The following DENND4C variants were observed in gnomAD, a reference collection of about 807,000 sequenced individuals.
DENND4C encodes DENN domain-containing protein 4C.
In DENND4C, 108 loss-of-function variants were observed where a neutral mutation model predicts 203.0. The ratio of observed to expected loss-of-function variants is 0.53; its 90% CI spans 0.46 to 0.62. The LOEUF is 0.62. Ranked by LOEUF, DENND4C falls within the 20% of genes least tolerant of loss-of-function variation. DENND4C has a pLI of 0.00. For synonymous variants in DENND4C, 871 were observed against 792.4 expected (o/e 1.10, Z -1.67); for missense variants, 2,481 against 2,301.2 (o/e 1.08, Z -1.60).
chr9:19,323,983 C>T (rs1050238814), intron 12 of DENND4C, among the ~76,000 whole-genome samples: 4 of 152,130 alleles, frequency 2.6e-5, no homozygotes, highest in Non-Finnish European at 4.4e-5. Context: ...AAATTCTACA[C>T]GTAAGTACTT....
intron 17 of DENND4C, among the ~76,000 whole-genome samples, chr9:19,333,666 T>C (rs1303305077): frequency 6.6e-6 from 1 of 152,208 alleles, no homozygotes; most frequent in Non-Finnish European, 1.5e-5. Flanking sequence ...GTGAATGATA[T>C]ACTAGACATT....
intron 1 of DENND4C, among the ~76,000 whole-genome samples, chr9:19,252,712 TAC>T (rs10611179): frequency 0.18 from 26,719 of 149,798 alleles, 2,344 homozygotes; most frequent in Middle Eastern, 0.25. Flanking sequence ...AGCGTGTGTA[TAC>T]ACACACACAC....
At chr9:19,293,256 G>A (rs988868770) in intron 5 of DENND4C, among the ~76,000 whole-genome samples, 1 of 152,104 alleles carries the variant, frequency 6.6e-6, no homozygotes, top group African/African-American at 2.4e-5. Context: ...CATTGTTTAG[G>A]GGATATCAAC....
intron 7 of DENND4C, among the ~76,000 whole-genome samples, chr9:19,298,783 A>G (rs1837964422): frequency 6.6e-6 from 1 of 152,122 alleles, no homozygotes; most frequent in Admixed American, 6.6e-5. Flanking sequence ...GAAGCCATTT[A>G]AAAGTTTTTC....
At chr9:19,265,026 C>CT (rs1830200815) in intron 1 of DENND4C, among the ~76,000 whole-genome samples, 1 of 151,772 alleles carries the variant, frequency 6.6e-6, no homozygotes, top group South Asian at 2.1e-4. Context: ...AATTTTCTTT[C>CT]TTTTTTTGAG....
chr9:19,248,944 C>T (rs1463934670), intron 1 of DENND4C, among the ~76,000 whole-genome samples: 2 of 151,988 alleles, frequency 1.3e-5, no homozygotes, highest in South Asian at 2.1e-4. Flanking sequence ...GCGTGAGCCA[C>T]TACGGCCAGC....
intron 1 of DENND4C, among the ~76,000 whole-genome samples, chr9:19,241,507 C>T (rs1361136342): frequency 7.4e-5 from 11 of 148,514 alleles, no homozygotes; most frequent in Non-Finnish European, 1.3e-4. Flanking sequence ...CTTTTTTTTT[C>T]GTTTTTCTTT....
intron 2 of DENND4C, among the ~76,000 whole-genome samples, chr9:19,284,169 A>G (rs1312758944): frequency 6.6e-6 from 1 of 152,164 alleles, no homozygotes; most frequent in Non-Finnish European, 1.5e-5. Context: ...AGTGGGAGCC[A>G]GTGTGCCTAG....
intron 1 of DENND4C, among the ~76,000 whole-genome samples, chr9:19,263,291 G>A (rs558709111): frequency 6.6e-6 from 1 of 151,654 alleles, no homozygotes; most frequent in Admixed American, 6.6e-5. Flanking sequence ...AAATCCCACA[G>A]GGTCATGTTG....
At chr9:19,342,920 G>A (rs760302312) in intron 22 of DENND4C, 141 bp downstream of exon 22, 18 of 630,824 alleles carry the variant, frequency 2.9e-5, no homozygotes, top group Admixed American at 4.1e-5. Context: ...TCTCTAAATC[G>A]GCTAAAGAAA....
At chr9:19,238,455 TCCCC>T (rs1822611330) in intron 1 of DENND4C, among the ~76,000 whole-genome samples, 1 of 40,542 alleles carries the variant, frequency 2.5e-5, no homozygotes, top group Admixed American at 3.0e-4. Context: ...TTCCTTCCCC[TCCCC>T]TCCCCTCCCT....
intron 10 of DENND4C, among the ~76,000 whole-genome samples, chr9:19,309,020 C>T (rs1247969458): frequency 6.6e-6 from 1 of 152,162 alleles, no homozygotes. Context: ...AGACAAATCT[C>T]TAGAGGTAGA....
intron 5 of DENND4C, among the ~76,000 whole-genome samples, chr9:19,295,643 C>G (rs1837295518): frequency 6.9e-6 from 1 of 145,384 alleles, no homozygotes; most frequent in Non-Finnish European, 1.5e-5. Flanking sequence ...GCACTCCAGC[C>G]TGGGCGACTG....
At chr9:19,301,496 T>A (rs567883698) in intron 9 of DENND4C, among the ~76,000 whole-genome samples, 5 of 152,364 alleles carry the variant, frequency 3.3e-5, no homozygotes, top group African/African-American at 1.2e-4. Context: ...GAAGTGCTGT[T>A]AGGACTGAAA....
chr9:19,361,370 T>C (rs1175100728), intron 29 of DENND4C, among the ~76,000 whole-genome samples: 1 of 152,236 alleles, frequency 6.6e-6, no homozygotes, highest in African/African-American at 2.4e-5. Flanking sequence ...ACTCTACTTA[T>C]ACTGGGATCC....
At chr9:19,344,722 C>T (rs1416931888) in intron 22 of DENND4C, among the ~76,000 whole-genome samples, 3 of 152,044 alleles carry the variant, frequency 2.0e-5, no homozygotes, top group African/African-American at 7.2e-5. Flanking sequence ...AGGCTGGTCT[C>T]GAGCTCCTGA....
At chr9:19,319,306 A>G (rs1448441570) in intron 12 of DENND4C, among the ~76,000 whole-genome samples, 1 of 120,884 alleles carries the variant, frequency 8.3e-6, no homozygotes, top group East Asian at 2.4e-4. Context: ...ATATATACAC[A>G]TATATACACA....
chr9:19,253,052 A>T (rs894127220), intron 1 of DENND4C, among the ~76,000 whole-genome samples: 7 of 152,230 alleles, frequency 4.6e-5, no homozygotes, highest in African/African-American at 1.7e-4. Context: ...AGTATATTTC[A>T]TAATGGAAAT....
intron 20 of DENND4C, among the ~76,000 whole-genome samples, chr9:19,339,927 C>G (rs1045249870): frequency 6.6e-6 from 1 of 152,098 alleles, no homozygotes; most frequent in Non-Finnish European, 1.5e-5. Flanking sequence ...TAATTCATTA[C>G]TGTCCTTATT....
Sources: allele counts gnomAD v4.1 joint callset (sites outside exome capture counted in the v4.1 genomes callset), GRCh38; gene constraint gnomAD v4.1.1; transcripts MANE v1.5; gene names NCBI Gene and HGNC (gene_info 2026-07-23, HGNC 2026-07-21).